Variants in ATM observed in about 807,000 individuals in gnomAD.
The protein encoded by ATM is serine-protein kinase ATM.
ATM carries 308 observed loss-of-function variants against 387.0 expected under a neutral mutation model. The observed-to-expected ratio is 0.80, with a 90% confidence interval of 0.73 to 0.87. The LOEUF is 0.87. ATM is among the 40% of genes least tolerant of loss of function. The pLI is 0.00. For missense variants in ATM, 3,312 were observed against 3,560.9 expected (o/e 0.93, Z 1.78); for synonymous variants, 1,156 against 1,187.3 (o/e 0.97, Z 0.54).
intron 1 of ATM, 69 bp from the exon 2 acceptor site, chr11:108,227,526 A>T: frequency 2.0e-6 from 2 of 983,710 alleles, no homozygotes; most frequent in Non-Finnish European, 3.2e-6. Flanking sequence ...ACATTTTTTC[A>T]CACCTCTTTC....
At chr11:108,282,648 A>G in intron 24 of ATM, 62 bp from the exon 25 acceptor site, 2 of 1,475,136 alleles carry the variant, frequency 1.4e-6, no homozygotes, top group Non-Finnish European at 1.9e-6. Context: ...TAATATTAAC[A>G]AGCATTTAAA....
chr11:108,325,158 A>G lies in ATM; in HGVS notation c.6573-152A>G, dbSNP rs980439466. 14 of 596,984 alleles carry G rather than the reference A, an allele frequency of 2.3e-5. No homozygotes were observed. The Admixed American group carries it at 4.2e-4, about 18-fold the overall frequency. The allele number at this position is 596,984 out of a possible 1,614,324, so 37.0% of individuals were successfully genotyped here. ...TGTAGTTTTCTAAATTTTGATCCAT[A>G]TGTAGGATTATTTACAAGTTCTAGT... On this transcript the variant is annotated intron_variant, in intron 45 of 62. Coordinates refer to ENST00000675843, the MANE Select transcript of ATM (RefSeq NM_000051.4).
chr11:108,246,964 G>A lies in ATM; in HGVS notation c.902G>A (p.Gly301Asp), dbSNP rs202208861. The change falls in exon 8 of 63, where the codon GGT (glycine) becomes GAT (aspartate). Residue 301 changes from glycine (G) to aspartate (D), a missense_variant and splice_region_variant. By Grantham distance (94) the Gly-to-Asp change is moderately conservative (BLOSUM62 -1). Coordinates refer to ENST00000675843, the MANE Select transcript of ATM (RefSeq NM_000051.4). ...TACATTTTAATTTTTTGGATTACAG[G>A]TGCTTATGAATCAACAAAATGGAGA... ...HPKGAKTQEK[G>D]AYESTKWRSI... is the part of the protein sequence containing the mutation. 138 of 1,607,808 alleles carry A rather than the reference G, an allele frequency of 8.6e-5. No homozygotes were observed. Among genetic ancestry groups the A allele is most frequent in the Non-Finnish European group, 1.2e-4 (137 of 1,175,942 alleles).
rs1410247657 is a variant in ATM at position 108,268,407 on chromosome 11, T to C, written c.2639-3T>C. ...AGTGTTAATGAGTGCTTTTTATTTTTAGGTGCCATTAATCCTTTAGCTGAA... is the reference window on the plus strand; with the variant it reads ...AGTGTTAATGAGTGCTTTTTATTTTCAGGTGCCATTAATCCTTTAGCTGAA... On this transcript the variant is annotated splice_polypyrimidine_tract_variant and splice_region_variant and intron_variant, in intron 17 of 62. Transcript: ENST00000675843. 3 of 1,613,198 alleles carry C rather than the reference T, an allele frequency of 1.9e-6. No individual in the cohort carries two copies. Among genetic ancestry groups the C allele is most frequent in the Admixed American group, 3.3e-5 (2 of 59,996 alleles).
chr11:108,303,082 A>C lies in ATM; in HGVS notation c.5496+53A>C, dbSNP rs533172715. Reference sequence around the variant, plus strand: ...TTCCTTGTTTATGACCTGTTTATCTAAAGAGTGCTGTGATACTGCACATCA... The same window carrying C: ...TTCCTTGTTTATGACCTGTTTATCTCAAGAGTGCTGTGATACTGCACATCA... On this transcript the variant is annotated intron_variant, in intron 36 of 62. Transcript: ENST00000675843. The C allele has an allele frequency of 1.2e-4, 189 of 1,523,502 alleles. 3 individuals are homozygous for C. The South Asian group carries it at 2.1e-3, about 17-fold the overall frequency. 94.4% of individuals were successfully genotyped at this position (1,523,502 alleles called of 1,614,324 possible).
rs201110707 is a variant in ATM, at chr11:108,251,829, T to C, written c.1608-8T>C. The C allele has an allele frequency of 1.3e-5, 21 of 1,613,724 alleles. No individual in the cohort carries two copies. In the East Asian group the frequency reaches 4.7e-4, roughly 36 times the overall value. ...TGCTTTTCACAATTGTCCTTTGTTT[T>C]GTTATAGTCCTGCAGTATGCTGTTT... On this transcript the variant is annotated splice_region_variant and splice_polypyrimidine_tract_variant and intron_variant, in intron 10 of 62. Transcript: ENST00000675843.
At chr11:108,227,529 CCT>C (rs2078798499) in intron 1 of ATM, 64 bp from the exon 2 acceptor site, 10 of 1,012,352 alleles carry the variant, frequency 9.9e-6, no homozygotes, top group South Asian at 5.6e-5. Flanking sequence ...TTTTTTCACA[CCT>C]CTTTCTCTCT....
intron 29 of ATM, among the ~76,000 whole-genome samples, chr11:108,292,176 C>G (rs1244529522): frequency 6.6e-6 from 1 of 152,194 alleles, no homozygotes; most frequent in Non-Finnish European, 1.5e-5. Context: ...ATCTACTTAG[C>G]TCCATGAACT....
intron 26 of ATM, among the ~76,000 whole-genome samples, chr11:108,286,065 C>T (rs904994256): frequency 1.3e-5 from 2 of 152,108 alleles, no homozygotes; most frequent in Non-Finnish European, 2.9e-5. Flanking sequence ...GGTGCGGTGG[C>T]TAACGCCTGT....
intron 52 of ATM, 95 bp from the exon 53 acceptor site, chr11:108,332,667 T>C (rs2086388521): frequency 7.7e-7 from 1 of 1,302,796 alleles, no homozygotes; most frequent in Non-Finnish European, 1.1e-6. Context: ...TCTAGATTTG[T>C]GCATAAATTC....
intron 28 of ATM, 53 bp downstream of exon 28, chr11:108,289,156 A>G (rs2082652227): frequency 6.5e-7 from 1 of 1,538,332 alleles, no homozygotes; most frequent in Admixed American, 1.9e-5. Context: ...TTTTAGCTAA[A>G]AAAACTTTGT....
At position 108,304,731 on chromosome 11, in the gene ATM, C is replaced by G. The variant is rs786201126; in HGVS notation, c.5553C>G (p.Leu1851=). The change falls in exon 37 of 63, where the codon CTC becomes CTG. Residue 1851 remains leucine (L), a synonymous_variant. Transcript: ENST00000675843. ...VLPYLIHDIL[L]QDTNESWRNL... ...CATACTTGATTCATGATATTTTACT[C>G]CAAGATACAAATGAATCATGGAGAA... 6 of 1,613,822 alleles carry G rather than the reference C, an allele frequency of 3.7e-6. No individual in the cohort carries two copies. Among genetic ancestry groups the G allele is most frequent in the Non-Finnish European group, 5.1e-6 (6 of 1,179,956 alleles).
chr11:108,264,205 T>C (rs570306621), intron 16 of ATM, among the ~76,000 whole-genome samples: 1 of 152,144 alleles, frequency 6.6e-6, no homozygotes, highest in South Asian at 2.1e-4. Flanking sequence ...CCAATATCCT[T>C]GATGAACATT....
intron 33 of ATM, among the ~76,000 whole-genome samples, chr11:108,298,086 G>A (rs547646926): frequency 1.3e-5 from 2 of 152,152 alleles, no homozygotes; most frequent in Non-Finnish European, 2.9e-5. Context: ...AACCATTCAA[G>A]TCCTTTCCTA....
intron 5 of ATM, among the ~76,000 whole-genome samples, chr11:108,239,813 T>G (rs1440016793): frequency 6.6e-6 from 1 of 152,200 alleles, no homozygotes; most frequent in Non-Finnish European, 1.5e-5. Flanking sequence ...TAATAGAAAA[T>G]GAGGATTCCT....
At chr11:108,267,807 G>A (rs1251828725) in intron 17 of ATM, among the ~76,000 whole-genome samples, 1 of 152,190 alleles carries the variant, frequency 6.6e-6, no homozygotes, top group Admixed American at 6.5e-5. Flanking sequence ...GCAGTGAGCC[G>A]AGATCATGCC....
chr11:108,353,730 TCA>T, intron 59 of ATM, 34 bp from the exon 60 acceptor site: 1 of 1,514,242 alleles, frequency 6.6e-7, no homozygotes, highest in Non-Finnish European at 9.2e-7. Flanking sequence ...AAATTAGCTG[TCA>T]AACCTCCTAA....
chr11:108,246,099 C>T (rs2079836363), intron 7 of ATM, among the ~76,000 whole-genome samples: 1 of 152,100 alleles, frequency 6.6e-6, no homozygotes, highest in African/African-American at 2.4e-5. Flanking sequence ...GCTGAGATTA[C>T]AGGCATGAGC....
chr11:108,245,301 T>C (rs2079790610), intron 7 of ATM, among the ~76,000 whole-genome samples: 1 of 152,200 alleles, frequency 6.6e-6, no homozygotes, highest in African/African-American at 2.4e-5. Flanking sequence ...GAGCTACTTA[T>C]GCATCAATAC....
Sources: gnomAD v4.1 joint callset for allele counts (sites outside exome capture counted in the v4.1 genomes callset) on GRCh38, gnomAD v4.1.1 for gene constraint, MANE v1.5 for transcripts, NCBI Gene and HGNC (gene_info 2026-07-23, HGNC 2026-07-21) for gene names.